Variants in CSGALNACT1 observed in about 807,000 individuals in gnomAD.
The protein encoded by CSGALNACT1 is chondroitin sulfate N-acetylgalactosaminyltransferase 1, also known as beta4GalNAcT-1.
Under a neutral mutation model 51.0 loss-of-function variants are expected in CSGALNACT1, and 52 were observed. The ratio of observed to expected loss-of-function variants is 1.02; its 90% confidence interval spans 0.82 to 1.29. CSGALNACT1 has a LOEUF of 1.29. CSGALNACT1 is among the 50% of genes most tolerant of loss of function. The probability of loss-of-function intolerance (pLI) is 0.00; values close to 1 mark genes in which losing one functional copy is unlikely to be tolerated. For synonymous variants in CSGALNACT1, 341 were observed against 254.4 expected (o/e 1.34, Z -3.24); for missense variants, 935 against 679.2 (o/e 1.38, Z -4.19).
chr8:19,432,364 TTC>T (rs2059769031), intron 6 of CSGALNACT1, among the ~76,000 whole-genome samples: 1 of 152,190 alleles, frequency 6.6e-6, no homozygotes, highest in South Asian at 2.1e-4. Flanking sequence ...TTGCTTCTCT[TTC>T]TCTGTCTTTG....
At chr8:19,634,293 G>A (rs562566337) in intron 1 of CSGALNACT1, among the ~76,000 whole-genome samples, 2 of 152,164 alleles carry the variant, frequency 1.3e-5, no homozygotes, top group South Asian at 4.2e-4. Context: ...TTTGAAAATG[G>A]GGCCTTTGGC....
chr8:19,451,760 C>G (rs751310638), intron 5 of CSGALNACT1, among the ~76,000 whole-genome samples: 3 of 152,184 alleles, frequency 2.0e-5, no homozygotes, highest in Non-Finnish European at 4.4e-5. Context: ...CCATGCAAGT[C>G]TTTTCTAGGT....
chr8:19,665,282 A>G (rs2154193239), intron 1 of CSGALNACT1, among the ~76,000 whole-genome samples: 1 of 152,362 alleles, frequency 6.6e-6, no homozygotes, highest in East Asian at 1.9e-4. Context: ...ACTGATAGGT[A>G]AATCCAGGGA....
intron 8 of CSGALNACT1, among the ~76,000 whole-genome samples, chr8:19,411,057 C>T (rs993470508): frequency 9.2e-5 from 14 of 152,178 alleles, no homozygotes; most frequent in African/African-American, 2.9e-4. Flanking sequence ...CTATATAAGG[C>T]CCATTTTCTC....
chr8:19,631,361 CTG>C (rs1336435716), intron 1 of CSGALNACT1, among the ~76,000 whole-genome samples: 1 of 152,170 alleles, frequency 6.6e-6, no homozygotes, highest in Non-Finnish European at 1.5e-5. Context: ...CTTGCTGGTG[CTG>C]TGTTTTAGAT....
chr8:19,550,012 G>A (rs2087559858), intron 3 of CSGALNACT1, among the ~76,000 whole-genome samples: 1 of 151,908 alleles, frequency 6.6e-6, no homozygotes, highest in African/African-American at 2.4e-5. Flanking sequence ...TCCTGGAGTT[G>A]GTCTTTTTTC....
At chr8:19,510,644 T>A (rs763388802) in intron 3 of CSGALNACT1, among the ~76,000 whole-genome samples, 2 of 152,112 alleles carry the variant, frequency 1.3e-5, no homozygotes, top group Admixed American at 6.5e-5. Flanking sequence ...TTAAAATAGA[T>A]ATAAAGTGTT....
intron 1 of CSGALNACT1, among the ~76,000 whole-genome samples, chr8:19,664,278 C>T (rs1411404343): frequency 2.0e-5 from 3 of 151,988 alleles, no homozygotes; most frequent in Admixed American, 6.6e-5. Flanking sequence ...AAACTAAAAC[C>T]ACAATGAGAT....
intron 1 of CSGALNACT1, among the ~76,000 whole-genome samples, chr8:19,613,740 TG>T (rs2052620155): frequency 1.3e-5 from 2 of 152,228 alleles, no homozygotes; most frequent in Non-Finnish European, 2.9e-5. Context: ...TTATTATAAA[TG>T]GCTCTCCAAA....
chr8:19,579,834 T>C (rs928000249), intron 3 of CSGALNACT1, among the ~76,000 whole-genome samples: 1 of 152,114 alleles, frequency 6.6e-6, no homozygotes, highest in Non-Finnish European at 1.5e-5. Flanking sequence ...AAAACTTGGA[T>C]TGCACAAGAA....
chr8:19,585,711 CATGAGGTGTAAAATGAGAAG>C (rs1158788354), intron 3 of CSGALNACT1, among the ~76,000 whole-genome samples: 1 of 152,142 alleles, frequency 6.6e-6, no homozygotes, highest in Admixed American at 6.6e-5. Context: ...GGTGTTAGGC[CATGAGGTGTAAAATGAGAAG>C]AACCCATACA....
chr8:19,693,418 T>C (rs779918414), intron 1 of CSGALNACT1, among the ~76,000 whole-genome samples: 5 of 152,174 alleles, frequency 3.3e-5, no homozygotes, highest in African/African-American at 4.8e-5. Flanking sequence ...CTACTGTTAA[T>C]ATCTGGGTGA....
In CSGALNACT1 at chr8:19,505,081, A is replaced by G. The variant is rs73585570; in HGVS notation, c.634+120T>C. 1,345 of 1,100,760 alleles carry G rather than the reference A, an allele frequency of 1.2e-3. 15 individuals are homozygous for G. The African/African-American group carries it at 0.019, about 15-fold the overall frequency. 68.2% of individuals were successfully genotyped at this position (1,100,760 alleles called of 1,614,324 possible). A position where few individuals can be genotyped will look rare whatever the true frequency, so the allele number is the denominator to read the frequency against. ...CGTACCTTTTGGTGTCACACACATAAAACTTTCCGCCAGCCATCCCAGAGC... is the reference window on the plus strand; with the variant it reads ...CGTACCTTTTGGTGTCACACACATAGAACTTTCCGCCAGCCATCCCAGAGC... On this transcript the variant is annotated intron_variant, in intron 4 of 9. Transcript: ENST00000454498.
chr8:19,411,382 G>A (rs1285154996), intron 8 of CSGALNACT1, among the ~76,000 whole-genome samples: 2 of 152,138 alleles, frequency 1.3e-5, no homozygotes, highest in Non-Finnish European at 2.9e-5. Flanking sequence ...TCTTGTTCAC[G>A]ACTACATCTC....
chr8:19,644,416 A>C (rs1160989309), intron 1 of CSGALNACT1, among the ~76,000 whole-genome samples: 1 of 151,400 alleles, frequency 6.6e-6, no homozygotes, highest in African/African-American at 2.4e-5. Flanking sequence ...AAAAAAAAAA[A>C]AGGTAATGAG....
intron 3 of CSGALNACT1, among the ~76,000 whole-genome samples, chr8:19,576,796 G>A (rs958095679): frequency 6.6e-6 from 1 of 152,022 alleles, no homozygotes; most frequent in African/African-American, 2.4e-5. Context: ...TGTGAGTGGG[G>A]TCCTACTAGT....
intron 4 of CSGALNACT1, among the ~76,000 whole-genome samples, chr8:19,460,461 T>C (rs535269025): frequency 1.3e-5 from 2 of 152,310 alleles, no homozygotes; most frequent in East Asian, 1.9e-4. Context: ...CTTCTGGGCA[T>C]CCACTGTTGT....
intron 3 of CSGALNACT1, among the ~76,000 whole-genome samples, chr8:19,543,185 G>C (rs1254786061): frequency 6.6e-6 from 1 of 152,128 alleles, no homozygotes; most frequent in African/African-American, 2.4e-5. Context: ...AGCTCCAGAT[G>C]CCCTTATCAA....
chr8:19,727,445 G>A (rs1290144441), intron 1 of CSGALNACT1, among the ~76,000 whole-genome samples: 1 of 152,048 alleles, frequency 6.6e-6, no homozygotes, highest in African/African-American at 2.4e-5. Flanking sequence ...CACCTCCCAG[G>A]CTCAAGTCAT....
Sources: gnomAD v4.1 joint callset for allele counts (sites outside exome capture counted in the v4.1 genomes callset) on GRCh38, gnomAD v4.1.1 for gene constraint, MANE v1.5 for transcripts, NCBI Gene and HGNC (gene_info 2026-07-23, HGNC 2026-07-21) for gene names.